The following SCIN variants were observed in gnomAD, a reference collection of about 807,000 sequenced individuals.
SCIN encodes the protein scinderin.
A neutral mutation model predicts 91.8 loss-of-function variants in SCIN; 91 were observed. The ratio of observed to expected loss-of-function variants is 0.99; its 90% CI spans 0.84 to 1.18. The LOEUF is 1.18. Ranked by LOEUF, SCIN falls within the 50% of genes most tolerant of loss-of-function variation. SCIN has a pLI of 0.00. For synonymous variants in SCIN, 367 were observed against 312.6 expected, an observed-to-expected ratio of 1.17 and a Z score of -1.84; for missense variants, 1,087 against 863.9, an observed-to-expected ratio of 1.26 and a Z score of -3.24.
intron 13 of SCIN, among the ~76,000 whole-genome samples, chr7:12,645,607 T>C (rs1438026567): frequency 6.6e-6 from 1 of 152,110 alleles, no homozygotes; most frequent in South Asian, 2.1e-4. Flanking sequence ...AAGCCTAGTA[T>C]CCATTAGTTA....
chr7:12,596,401 T>C (rs758111), intron 3 of SCIN: 417,936 of 456,152 alleles, frequency 0.92, 191,813 homozygotes, highest in East Asian at 1. Context: ...GCCTCCCTGA[T>C]GTCTGCATTC....
chr7:12,572,783 G>C (rs1219066824), intron 1 of SCIN, among the ~76,000 whole-genome samples: 1 of 152,134 alleles, frequency 6.6e-6, no homozygotes, highest in Non-Finnish European at 1.5e-5. Context: ...TGCTAAAACT[G>C]AAGTCAATAA....
intron 1 of SCIN, among the ~76,000 whole-genome samples, chr7:12,576,157 GC>G (rs1782365530): frequency 6.6e-6 from 1 of 152,028 alleles, no homozygotes; most frequent in Admixed American, 6.6e-5. Flanking sequence ...ATCTCTTAAA[GC>G]ATCTCTCTTA....
chr7:12,587,374 T>C (rs369266730), intron 3 of SCIN, among the ~76,000 whole-genome samples: 3 of 152,320 alleles, frequency 2.0e-5, no homozygotes. Context: ...AGGATGGATG[T>C]GTGAGTCTGG....
intron 3 of SCIN, among the ~76,000 whole-genome samples, chr7:12,604,285 C>T (rs1326748388): frequency 2.0e-5 from 3 of 151,966 alleles, no homozygotes; most frequent in Non-Finnish European, 4.4e-5. Context: ...ATTATATACA[C>T]AGAGAATGGT....
At chr7:12,583,218 G>A (rs1035160929) in intron 3 of SCIN, among the ~76,000 whole-genome samples, 18 of 151,860 alleles carry the variant, frequency 1.2e-4, no homozygotes. Context: ...TATCTGCTAT[G>A]ATATTGGGCA....
intron 4 of SCIN, among the ~76,000 whole-genome samples, chr7:12,615,332 TG>T (rs1298884221): frequency 2.6e-5 from 4 of 152,118 alleles, no homozygotes; most frequent in African/African-American, 9.7e-5. Flanking sequence ...GATTAGATCA[TG>T]GTGGCAGTTT....
At chr7:12,571,665 G>T (rs996351407) in intron 1 of SCIN, 21 of 432,924 alleles carry the variant, frequency 4.9e-5, no homozygotes, top group Non-Finnish European at 8.8e-5. Context: ...CAAATAAATA[G>T]CTCTATATGG....
At chr7:12,642,722 A>C (rs146397132) in intron 11 of SCIN, among the ~76,000 whole-genome samples, 3 of 151,572 alleles carry the variant, frequency 2.0e-5, no homozygotes, top group African/African-American at 4.8e-5. Flanking sequence ...CAGCCTTTCC[A>C]GTTTTATTGA....
At position 12,578,167 on chromosome 7, in the gene SCIN, A is replaced by G; in HGVS notation, c.303A>G (p.Gly101=). The G allele has an allele frequency of 6.4e-7, 1 of 1,551,146 alleles. No individual in the cohort carries two copies. Among genetic ancestry groups the G allele is most frequent in the Non-Finnish European group, 8.7e-7 (1 of 1,146,580 alleles). The change falls in exon 2 of 16, where the codon GGA becomes GGG. Residue 101 remains glycine (G), a synonymous_variant. Transcript: ENST00000297029. ...GKPVQNRELQ[G]YESNDFVSYF... Reference sequence around the variant, plus strand: ...CAGTGCAGAATAGAGAACTTCAAGGATATGAGTCTAATGACTTTGTTAGCT... The same window carrying G: ...CAGTGCAGAATAGAGAACTTCAAGGGTATGAGTCTAATGACTTTGTTAGCT...
chr7:12,589,432 C>G (rs1029568364), intron 3 of SCIN: 1 of 152,242 alleles, frequency 6.6e-6, no homozygotes, highest in Non-Finnish European at 1.5e-5. Flanking sequence ...ACCGTGTTAG[C>G]CAAGATGGTC....
At chr7:12,635,611 C>CAAA (rs59324421) in intron 9 of SCIN, among the ~76,000 whole-genome samples, 352 of 5,834 alleles carry the variant, frequency 0.06, 89 homozygotes, top group Non-Finnish European at 0.12. Flanking sequence ...GACTCCGTCT[C>CAAA]AAAAAAAAAA....
In SCIN at chr7:12,628,289, T is replaced by A. The variant is rs113979233; in HGVS notation, c.1198-812T>A. On this transcript the variant is annotated intron_variant, in intron 8 of 15. Coordinates refer to ENST00000297029, the MANE Select transcript of SCIN (RefSeq NM_001112706.3). ...AACAGAAGTCATATTATTGGCATGG[T>A]CTTAGTCTGTTCAGGCTACTATAAC... 4.4e-4 allele frequency among the ~76,000 whole-genome samples: 67 copies of A among 152,250 alleles called. 1 individual carries two copies. The highest frequency in any genetic ancestry group is 1.6e-3 in the African/African-American group (66 of 41,544).
intron 4 of SCIN, among the ~76,000 whole-genome samples, chr7:12,612,560 G>A (rs986995985): frequency 1.1e-4 from 16 of 151,982 alleles, no homozygotes; most frequent in African/African-American, 3.9e-4. Flanking sequence ...CAGTGATAAG[G>A]AGTACCTGCC....
chr7:12,649,427 T>C, intron 13 of SCIN, 40 bp from the exon 14 acceptor site: 2 of 1,351,924 alleles, frequency 1.5e-6, no homozygotes, highest in Non-Finnish European at 2.0e-6. Context: ...GAAAAATTAC[T>C]GCTTTACTTT....
At position 12,651,590 on chromosome 7, in the gene SCIN, C is replaced by T. The variant is rs1784080337; in HGVS notation, c.1960-251C>T. Among the ~76,000 whole-genome samples the T allele has an allele frequency of 6.6e-6, 1 of 151,626 alleles. No homozygotes were observed. The highest frequency in any genetic ancestry group is 1.5e-5 in the Non-Finnish European group (1 of 67,946). On this transcript the variant is annotated intron_variant, in intron 14 of 15. Transcript: ENST00000297029. The surrounding 1 kb of genome is among the most constrained non-coding windows in gnomAD (Gnocchi z 5.9). ...GATCACTTTACAAACTAGAAAGTAC[C>T]ATGTAAACATAAAATATCCAAGTGT...
At chr7:12,599,592 C>T (rs893437758) in intron 3 of SCIN, among the ~76,000 whole-genome samples, 2 of 152,158 alleles carry the variant, frequency 1.3e-5, no homozygotes, top group Non-Finnish European at 2.9e-5. Context: ...TAAGGAATCT[C>T]CACACTGTTT....
intron 9 of SCIN, 124 bp from the exon 10 acceptor site, chr7:12,635,921 A>G (rs2708655): frequency 0.29 from 199,959 of 697,720 alleles, 30,770 homozygotes; most frequent in South Asian, 0.43. Context: ...AACAGCTTGT[A>G]TCATGTTAAA....
At chr7:12,641,593 G>C (rs558866203) in intron 11 of SCIN, among the ~76,000 whole-genome samples, 181 of 151,952 alleles carry the variant, frequency 1.2e-3, no homozygotes, top group African/African-American at 4.2e-3. Context: ...TCTTTTCCTT[G>C]ACCGCATTTC....
Sources: gnomAD v4.1 joint callset for allele counts (sites outside exome capture counted in the v4.1 genomes callset) on GRCh38, gnomAD v4.1.1 for gene constraint, Gnocchi (gnomAD v3.1) non-coding constraint, MANE v1.5 for transcripts, NCBI Gene and HGNC (gene_info 2026-07-23, HGNC 2026-07-21) for gene names.